LRRIQ3: variants seen among roughly 807,000 people sequenced by gnomAD.
LRRIQ3 encodes leucine rich repeats and IQ motif containing 3, also known as leucine-rich repeat and IQ domain-containing protein 3.
Under a neutral mutation model 59.3 loss-of-function variants are expected in LRRIQ3, and 75 were observed. That is an observed-to-expected ratio of 1.26 (90% CI 1.05 to 1.53). The LOEUF is 1.53. Ranked by LOEUF, LRRIQ3 falls within the 40% of genes most tolerant of loss-of-function variation. The pLI is 0.00. For synonymous variants in LRRIQ3, 250 were observed against 231.3 expected (o/e 1.08, Z -0.73); for missense variants, 831 against 710.0 (o/e 1.17, Z -1.94).
intron 5 of LRRIQ3, among the ~76,000 whole-genome samples, chr1:74,107,749 T>G (rs1646635020): frequency 6.6e-6 from 1 of 151,214 alleles, no homozygotes; most frequent in South Asian, 2.1e-4. Flanking sequence ...AAAAATAATT[T>G]TAATTACTTT....
intron 4 of LRRIQ3, among the ~76,000 whole-genome samples, chr1:74,143,116 T>G (rs1647338523): frequency 1.3e-5 from 2 of 152,020 alleles, no homozygotes; most frequent in South Asian, 4.1e-4. Context: ...TTAGTGCAAT[T>G]AAAATTATTT....
At chr1:74,076,118 A>G (rs1274166466) in intron 5 of LRRIQ3, among the ~76,000 whole-genome samples, 1 of 152,146 alleles carries the variant, frequency 6.6e-6, no homozygotes, top group Non-Finnish European at 1.5e-5. Flanking sequence ...TAGGCAACCA[A>G]TAGTCCATCA....
intron 6 of LRRIQ3, among the ~76,000 whole-genome samples, chr1:74,066,816 T>G (rs1054788965): frequency 5.3e-5 from 8 of 152,136 alleles, no homozygotes; most frequent in Non-Finnish European, 1.0e-4. Flanking sequence ...TCTTGCTCAT[T>G]CAAACCTAAA....
chr1:74,146,919 T>C (rs938311660), intron 4 of LRRIQ3, among the ~76,000 whole-genome samples: 1 of 152,188 alleles, frequency 6.6e-6, no homozygotes, highest in African/African-American at 2.4e-5. Flanking sequence ...ATAAATAAAA[T>C]AGTCTTTATA....
intron 7 of LRRIQ3, among the ~76,000 whole-genome samples, chr1:74,031,567 A>T (rs1395953204): frequency 6.9e-6 from 1 of 144,158 alleles, no homozygotes; most frequent in African/African-American, 2.5e-5. Context: ...AACAATGAGA[A>T]CACTTGAACA....
intron 3 of LRRIQ3, among the ~76,000 whole-genome samples, chr1:74,165,522 T>C (rs1648929280): frequency 6.6e-6 from 1 of 151,612 alleles, no homozygotes; most frequent in African/African-American, 2.4e-5. Flanking sequence ...AGGTGATCAT[T>C]TGATCTGCAA....
intron 4 of LRRIQ3, among the ~76,000 whole-genome samples, chr1:74,133,422 T>C (rs1413015597): frequency 6.6e-6 from 1 of 152,036 alleles, no homozygotes; most frequent in Admixed American, 6.6e-5. Flanking sequence ...TGTATGTTTA[T>C]TGCGGCACTA....
chr1:74,101,998 T>C (rs1182713762), intron 5 of LRRIQ3, among the ~76,000 whole-genome samples: 1 of 151,548 alleles, frequency 6.6e-6, no homozygotes, highest in African/African-American at 2.4e-5. Flanking sequence ...ACATGGCACA[T>C]GTATACATAT....
intron 4 of LRRIQ3, among the ~76,000 whole-genome samples, chr1:74,122,971 C>T (rs1193404738): frequency 1.3e-5 from 2 of 151,998 alleles, no homozygotes; most frequent in East Asian, 1.9e-4. Context: ...ATGAACTTCT[C>T]GTTACTTTTC....
chr1:74,119,818 C>T (rs1399681119), intron 4 of LRRIQ3, among the ~76,000 whole-genome samples: 1 of 151,934 alleles, frequency 6.6e-6, no homozygotes, highest in Non-Finnish European at 1.5e-5. Context: ...AATCATATAT[C>T]GATAAAGTGG....
chr1:74,028,001 A>G (rs936090687), intron 7 of LRRIQ3, among the ~76,000 whole-genome samples: 5 of 152,092 alleles, frequency 3.3e-5, no homozygotes, highest in African/African-American at 1.2e-4. Flanking sequence ...TTTGAACTGA[A>G]TCTTGAAAGA....
At chr1:74,148,143 T>C (rs1388164550) in intron 4 of LRRIQ3, among the ~76,000 whole-genome samples, 2 of 152,234 alleles carry the variant, frequency 1.3e-5, no homozygotes, top group East Asian at 1.9e-4. Context: ...ATGTTTCTTG[T>C]GTCCTTACAT....
chr1:74,125,657 T>C (rs1315405051), intron 4 of LRRIQ3, among the ~76,000 whole-genome samples: 1 of 151,998 alleles, frequency 6.6e-6, no homozygotes, highest in African/African-American at 2.4e-5. Context: ...ACCACATTGA[T>C]TGATTTATGT....
intron 5 of LRRIQ3, among the ~76,000 whole-genome samples, chr1:74,108,224 A>C (rs1646640688): frequency 6.6e-6 from 1 of 151,832 alleles, no homozygotes; most frequent in African/African-American, 2.4e-5. Flanking sequence ...ATACTCCGAA[A>C]TCATACTCTG....
chr1:74,077,311 T>C (rs532293808), intron 5 of LRRIQ3, among the ~76,000 whole-genome samples: 5 of 152,124 alleles, frequency 3.3e-5, no homozygotes, highest in Non-Finnish European at 5.9e-5. Context: ...TCACCTCAAA[T>C]TGCATTTGAA....
chr1:74,186,063 ATATT>A (rs1265957149), intron 1 of LRRIQ3, among the ~76,000 whole-genome samples: 1 of 148,802 alleles, frequency 6.7e-6, no homozygotes, highest in African/African-American at 2.4e-5. Flanking sequence ...ATATATAATT[ATATT>A]TAATATATAG....
chr1:74,194,388 G>A (rs571448316), intron 1 of LRRIQ3, among the ~76,000 whole-genome samples: 1 of 152,134 alleles, frequency 6.6e-6, no homozygotes, highest in Non-Finnish European at 1.5e-5. Context: ...AATAACCTTG[G>A]TAGCACAAAA....
chr1:74,184,873 T>A (rs1650254764), intron 1 of LRRIQ3, among the ~76,000 whole-genome samples: 1 of 152,204 alleles, frequency 6.6e-6, no homozygotes, highest in African/African-American at 2.4e-5. Flanking sequence ...GGTGCTGGGA[T>A]GTAGGATAAT....
intron 6 of LRRIQ3, among the ~76,000 whole-genome samples, chr1:74,044,533 C>A (rs1462097175): frequency 1.3e-5 from 2 of 151,976 alleles, no homozygotes; most frequent in African/African-American, 2.4e-5. Context: ...AAAATTTACA[C>A]CCTAATATCA....
Sources: allele counts gnomAD v4.1 joint callset (sites outside exome capture counted in the v4.1 genomes callset), GRCh38; gene constraint gnomAD v4.1.1; transcripts MANE v1.5; gene names NCBI Gene and HGNC (gene_info 2026-07-23, HGNC 2026-07-21).